Variants in ABHD8 observed in about 807,000 individuals in gnomAD.
The protein encoded by ABHD8 is abhydrolase domain containing 8.
A neutral mutation model predicts 29.3 loss-of-function variants in ABHD8; 10 were observed. The observed-to-expected ratio is 0.34, with a 90% CI of 0.21 to 0.58. The LOEUF (loss-of-function observed/expected upper bound fraction) is 0.58. Among genes scored for constraint, ABHD8 ranks in the 20% least tolerant of loss-of-function variants. The pLI is 0.85. For missense variants in ABHD8, 556 were observed against 615.3 expected (o/e 0.90, Z 1.02); for synonymous variants, 282 against 274.6 (o/e 1.03, Z -0.27).
chr19:17,292,537 G>A lies in ABHD8; in HGVS notation c.*124C>T, dbSNP rs2074075247. 3.3e-6 allele frequency: 4 copies of A among 1,217,072 alleles called. No homozygotes were observed. Among genetic ancestry groups the A allele is most frequent in the East Asian group, 2.9e-5 (1 of 35,048 alleles). 75.4% of individuals were successfully genotyped at this position (1,217,072 alleles called of 1,614,324 possible). On this transcript the variant is annotated 3_prime_UTR_variant, in exon 5 of 5. Coordinates refer to ENST00000247706, the MANE Select transcript of ABHD8 (RefSeq NM_024527.5). The stretch of plus-strand genomic sequence containing the variant: ...CCAGGCAGCCTGGGGGCGTCTCCCT[G>A]ACCTGGCCCCGCCCACCGGAGCGAA...
chr19:17,292,759 C>T lies in ABHD8; in HGVS notation c.1222G>A (p.Val408Ile), dbSNP rs1393000400. The change falls in exon 5 of 5, where the codon GTC (valine) becomes ATC (isoleucine). Residue 408 changes from valine to isoleucine, a missense_variant. By Grantham distance (29) the Val-to-Ile change is conservative. Coordinates refer to ENST00000247706, the MANE Select transcript of ABHD8 (RefSeq NM_024527.5). ...AGGAATTCGTGGAGCAGCGTGTTGA[C>T]CGTCTCAGGGCATTCCAGCATCACC... is the stretch of plus-strand genomic sequence containing the variant. ...HMVMLECPET[V>I]NTLLHEFLLW... 6.2e-7 allele frequency: 1 copy of T among 1,613,764 alleles called. No individual in the cohort carries two copies. Among genetic ancestry groups the T allele is most frequent in the Admixed American group, 1.7e-5 (1 of 59,986 alleles).
chr19:17,295,769 G>A (rs550463390), intron 2 of ABHD8, among the ~76,000 whole-genome samples: 14 of 152,240 alleles, frequency 9.2e-5, no homozygotes, highest in African/African-American at 2.4e-4. Flanking sequence ...GTGCGGTGGC[G>A]TAATCATAGC....
intron 2 of ABHD8, among the ~76,000 whole-genome samples, chr19:17,297,240 A>T (rs1160483832): frequency 6.6e-6 from 1 of 151,950 alleles, no homozygotes; most frequent in Non-Finnish European, 1.5e-5. Flanking sequence ...AAATGTGCTG[A>T]CCTAATAGCA....
Position 17,292,618 on chromosome 19 carries a change from G to A in ABHD8, c.*43C>T, listed in dbSNP as rs778973189. On this transcript the variant is annotated 3_prime_UTR_variant, in exon 5 of 5. Coordinates refer to ENST00000247706, the MANE Select transcript of ABHD8 (RefSeq NM_024527.5). ...CTGGCGCAGGCTCGGGCCTCCTCCT[G>A]CTGCGGCTGTGCTCACCAAGCGATG... 5 of 1,561,082 alleles carry A rather than the reference G, an allele frequency of 3.2e-6. No homozygotes were observed. The highest frequency in any genetic ancestry group is 4.3e-6 in the Non-Finnish European group (5 of 1,154,622).
At position 17,292,665 on chromosome 19, in the gene ABHD8, T is replaced by C; in HGVS notation, c.1316A>G (p.Lys439Arg). 4.3e-6 allele frequency: 7 copies of C among 1,609,796 alleles called. No individual in the cohort carries two copies. Among genetic ancestry groups the C allele is most frequent in the Non-Finnish European group, 5.9e-6 (7 of 1,178,478 alleles). Residue 439 changes from lysine (K) to arginine (R), a missense_variant, in exon 5 of 5, where the codon AAG becomes AGG. Around this residue, in one of 2 missense-constraint regions of ABHD8, gnomAD observed 270 missense variants for 353.9 expected, o/e 0.76. Coordinates refer to ENST00000247706, the MANE Select transcript of ABHD8 (RefSeq NM_024527.5). ...EPLPAPPEDK[K>R] ...GATGCCCCGCCGGCCCAGCGGCTAC[T>C]TCTTGTCTTCTGGAGGCGCCGGCAG... is the stretch of plus-strand genomic sequence containing the variant.
In ABHD8 at chr19:17,292,600, A is replaced by T; in HGVS notation, c.*61T>A. 6.6e-7 allele frequency: 1 copy of T among 1,508,370 alleles called. No homozygotes were observed. Among genetic ancestry groups the T allele is most frequent in the Non-Finnish European group, 8.9e-7 (1 of 1,125,932 alleles). The allele number at this position is 1,508,370 out of a possible 1,614,324, so 93.4% of individuals were successfully genotyped here. A position where few individuals can be genotyped will look rare whatever the true frequency, so the allele number is the denominator to read the frequency against. On this transcript the variant is annotated 3_prime_UTR_variant, in exon 5 of 5. Transcript: ENST00000247706. ...GTGGTCTGCGCTGCAGACCTGGCGCAGGCTCGGGCCTCCTCCTGCTGCGGC... is the reference window on the plus strand; with the variant it reads ...GTGGTCTGCGCTGCAGACCTGGCGCTGGCTCGGGCCTCCTCCTGCTGCGGC...
At chr19:17,299,925 A>C in intron 2 of ABHD8, among the ~76,000 whole-genome samples, 1 of 147,650 alleles carries the variant, frequency 6.8e-6, no homozygotes, top group African/African-American at 2.5e-5. Context: ...TTCATGACGG[A>C]GTCTCCTTCT....
In ABHD8 at chr19:17,292,209, CT is replaced by C. The variant is rs2145649091; in HGVS notation, c.*451del. On this transcript the variant is annotated 3_prime_UTR_variant, in exon 5 of 5. Coordinates refer to ENST00000247706, the MANE Select transcript of ABHD8 (RefSeq NM_024527.5). ...GGCGCCAGCCCCCCCATCCCCCCCC[CT>C]TGGGCAAAAATAGCTCCCAGCGCCG... The C allele has an allele frequency of 9.9e-6, 2 of 201,076 alleles. No individual in the cohort carries two copies. Among genetic ancestry groups the C allele is most frequent in the Non-Finnish European group, 2.0e-5 (2 of 99,974 alleles). 12.5% of individuals were successfully genotyped at this position (201,076 alleles called of 1,614,324 possible). A position where few individuals can be genotyped will look rare whatever the true frequency, so the allele number is the denominator to read the frequency against.
intron 2 of ABHD8, among the ~76,000 whole-genome samples, chr19:17,298,709 G>A (rs548299251): frequency 2.9e-4 from 42 of 146,288 alleles, no homozygotes; most frequent in African/African-American, 1.0e-3. Flanking sequence ...GGCCAAACAC[G>A]ATAGTGCTGG....
chr19:17,301,637 A>G lies in ABHD8; in HGVS notation c.-8-13T>C, dbSNP rs1286358514. 1 of 1,521,278 alleles carries G rather than the reference A, an allele frequency of 6.6e-7. No homozygotes were observed. Among genetic ancestry groups the G allele is most frequent in the African/African-American group, 1.4e-5 (1 of 72,856 alleles). 94.2% of individuals were successfully genotyped at this position (1,521,278 alleles called of 1,614,324 possible). On this transcript the variant is annotated splice_polypyrimidine_tract_variant and intron_variant, in intron 1 of 4. Transcript: ENST00000247706. ...AGCATGGTGTGTCCTGTGAGTGAGG[A>G]CAGCAGCCAGTTCAGGTGCTGTCTC...
At position 17,301,536 on chromosome 19, in the gene ABHD8, G is replaced by C. The variant is rs1164510718; in HGVS notation, c.81C>G (p.Val27=). ...CAAAGGTGTAGCCATCGCTGGACTC[G>C]ACGCTCTCCAGTGGCCCCACGGCGT... ...PPNAVGPLES[V]ESSDGYTFVE... The change falls in exon 2 of 5, where the codon GTC becomes GTG. Residue 27 remains valine (V), a synonymous_variant. Transcript: ENST00000247706. 4 of 1,609,984 alleles carry C rather than the reference G, an allele frequency of 2.5e-6. No homozygotes were observed. The highest frequency in any genetic ancestry group is 3.4e-6 in the Non-Finnish European group (4 of 1,178,564).
At chr19:17,295,509 T>A (rs144849191) in intron 2 of ABHD8, among the ~76,000 whole-genome samples, 7,285 of 148,496 alleles carry the variant, frequency 0.049, 598 homozygotes, top group African/African-American at 0.17. Flanking sequence ...TGGGTTCAAC[T>A]GATTCTCCTT....
intron 1 of ABHD8, chr19:17,303,035 G>T (rs1199486428): frequency 1.3e-5 from 2 of 152,204 alleles, no homozygotes; most frequent in Non-Finnish European, 2.9e-5. Flanking sequence ...CCGGATTGTG[G>T]AGGGCAACGC....
chr19:17,294,167 A>T (rs1428335510), intron 4 of ABHD8, 121 bp downstream of exon 4: 2 of 1,265,672 alleles, frequency 1.6e-6, no homozygotes, highest in East Asian at 2.6e-5. Context: ...CCCGGCAGCC[A>T]CGCCCCCTCG....
chr19:17,300,443 G>T (rs1165031878), intron 2 of ABHD8, among the ~76,000 whole-genome samples: 2 of 151,840 alleles, frequency 1.3e-5, no homozygotes, highest in African/African-American at 2.4e-5. Flanking sequence ...CTTGCCTCAA[G>T]ATATCCTCCC....
rs759388755 is a variant in ABHD8 at position 17,301,218 on chromosome 19, G to A, written c.399C>T (p.Pro133=). The part of the protein sequence containing the change: ...DPAGSDGRLA[P]GSAGSGSGSG... The stretch of plus-strand genomic sequence containing the variant: ...TGCCGCTGCCGCTGCCTGCGCTGCC[G>A]GGGGCCAAGCGGCCATCGCTGCCCG... Residue 133 remains proline (P), a synonymous_variant, in exon 2 of 5, where the codon CCC becomes CCT. Coordinates refer to ENST00000247706, the MANE Select transcript of ABHD8 (RefSeq NM_024527.5). 3.4e-5 allele frequency: 54 copies of A among 1,595,646 alleles called. No individual in the cohort carries two copies. In the Admixed American group the frequency reaches 3.4e-4, roughly 10 times the overall value.
chr19:17,301,415 C>T lies in ABHD8; in HGVS notation c.202G>A (p.Ala68Thr). The T allele has an allele frequency of 6.2e-7, 1 of 1,612,116 alleles. No individual in the cohort carries two copies. The highest frequency in any genetic ancestry group is 8.5e-7 in the Non-Finnish European group (1 of 1,179,894). ...PPPSSASSDA[A>T]QGDLSGLVRC... ...ACCAAGCCGGAGAGGTCCCCCTGGG[C>T]TGCATCCGAGGATGCGGATGATGGT... Residue 68 changes from alanine (A) to threonine (T), a missense_variant, in exon 2 of 5, where the codon GCC (alanine) becomes ACC (threonine). By Grantham distance (58) the Ala-to-Thr change is moderately conservative (BLOSUM62 0). Around this residue, in one of 2 missense-constraint regions of ABHD8, gnomAD observed 286 missense variants for 261.4 expected, o/e 1.09. Coordinates refer to ENST00000247706, the MANE Select transcript of ABHD8 (RefSeq NM_024527.5).
At position 17,303,294 on chromosome 19, in the gene ABHD8, AG is replaced by A. The variant is rs2074130008; in HGVS notation, c.-62del. 1 of 152,300 alleles carries A rather than the reference AG, an allele frequency of 6.6e-6. No homozygotes were observed. Among genetic ancestry groups the A allele is most frequent in the Admixed American group, 6.5e-5 (1 of 15,294 alleles). 9.4% of individuals were successfully genotyped at this position (152,300 alleles called of 1,614,324 possible). A position where few individuals can be genotyped will look rare whatever the true frequency, so the allele number is the denominator to read the frequency against. On this transcript the variant is annotated 5_prime_UTR_variant, in exon 1 of 5. Transcript: ENST00000247706. ...GGGGCGGAGGGGTCCCAGGCGGAGA[AG>A]CCAGCGTCCGCCTGCTGGCGCCGTT...
chr19:17,292,771 A>G lies in ABHD8; in HGVS notation c.1210T>C (p.Cys404Arg). ...AGCAGCGTGTTGACCGTCTCAGGGCATTCCAGCATCACCATGTGGCTGCCC... is the reference window on the plus strand; with the variant it reads ...AGCAGCGTGTTGACCGTCTCAGGGCGTTCCAGCATCACCATGTGGCTGCCC... Reference protein sequence around the residue: ...DEGSHMVMLECPETVNTLLHE... With the variant: ...DEGSHMVMLERPETVNTLLHE... Residue 404 changes from cysteine to arginine, a missense_variant, in exon 5 of 5, where the codon TGC (cysteine) becomes CGC (arginine). By Grantham distance (180) the Cys-to-Arg change is radical. Around this residue, in one of 2 missense-constraint regions of ABHD8, gnomAD observed 270 missense variants for 353.9 expected, o/e 0.76. Transcript: ENST00000247706. 6.2e-7 allele frequency: 1 copy of G among 1,613,656 alleles called. No individual in the cohort carries two copies. Among genetic ancestry groups the G allele is most frequent in the Non-Finnish European group, 8.5e-7 (1 of 1,179,820 alleles).
Sources: gnomAD v4.1 joint callset for allele counts (sites outside exome capture counted in the v4.1 genomes callset) on GRCh38, gnomAD v4.1.1 for gene constraint, gnomAD v4.1.1 regional missense constraint, MANE v1.5 for transcripts, NCBI Gene and HGNC (gene_info 2026-07-23, HGNC 2026-07-21) for gene names.